The following NPAS3 variants were observed in gnomAD, a reference collection of about 807,000 sequenced individuals.
The protein encoded by NPAS3 is neuronal PAS domain protein 3, also known as neuronal PAS domain-containing protein 3.
A neutral mutation model predicts 73.1 loss-of-function variants in NPAS3; 14 were observed. The observed-to-expected ratio is 0.19, with a 90% CI of 0.13 to 0.30. NPAS3 has a LOEUF of 0.30. NPAS3 is among the 10% of genes least tolerant of loss of function. The pLI is 1.00. For missense variants in NPAS3, 1,096 were observed against 1,250.0 expected (o/e 0.88, Z 1.86); for synonymous variants, 620 against 541.5 (o/e 1.14, Z -2.01).
chr14:33,431,437 CT>C (rs1566897086), intron 4 of NPAS3, among the ~76,000 whole-genome samples: 1 of 151,992 alleles, frequency 6.6e-6, no homozygotes, highest in African/African-American at 2.4e-5. Context: ...ATTAAACATT[CT>C]TTGTTTTATT....
intron 3 of NPAS3, among the ~76,000 whole-genome samples, chr14:33,335,068 G>GTGTGTGTGTGTGTGTGTGTGTA (rs1366925163): frequency 4.6e-5 from 7 of 151,060 alleles, no homozygotes; most frequent in African/African-American, 1.5e-4. Context: ...GTGTGTGTGT[G>GTGTGTGTGTGTGTGTGTGTGTA]TGTATCACAT....
At chr14:33,373,474 T>C (rs1434055627) in intron 4 of NPAS3, among the ~76,000 whole-genome samples, 1 of 151,884 alleles carries the variant, frequency 6.6e-6, no homozygotes, top group African/African-American at 2.4e-5. Context: ...GTACTTATAA[T>C]TGAAAGATAG....
intron 4 of NPAS3, among the ~76,000 whole-genome samples, chr14:33,429,453 T>C (rs1480528036): frequency 6.6e-6 from 1 of 152,166 alleles, no homozygotes; most frequent in African/African-American, 2.4e-5. Flanking sequence ...AAATTAGTTT[T>C]ATTCAATTCT....
At chr14:32,984,660 T>A (rs1008342769) in intron 1 of NPAS3, among the ~76,000 whole-genome samples, 9 of 152,344 alleles carry the variant, frequency 5.9e-5, no homozygotes, top group Non-Finnish European at 1.0e-4. Context: ...GCAGGAATAC[T>A]ATTGTGTTTG....
chr14:33,419,951 C>T (rs965473382), intron 4 of NPAS3, among the ~76,000 whole-genome samples: 7 of 151,876 alleles, frequency 4.6e-5, no homozygotes, highest in Non-Finnish European at 1.0e-4. Flanking sequence ...AATATACTTC[C>T]AAGTTACTTT....
intron 2 of NPAS3, among the ~76,000 whole-genome samples, chr14:33,189,625 TAAG>T (rs1009405451): frequency 6.6e-5 from 10 of 152,328 alleles, no homozygotes; most frequent in African/African-American, 2.4e-4. Context: ...ATATCTGAGA[TAAG>T]AAGTCATGTT....
chr14:33,186,194 A>T (rs2045968931), intron 2 of NPAS3, among the ~76,000 whole-genome samples: 1 of 152,208 alleles, frequency 6.6e-6, no homozygotes. Context: ...TGAACCATGC[A>T]TACTTTTAAG....
chr14:33,671,159 C>A (rs953980896), intron 5 of NPAS3, among the ~76,000 whole-genome samples: 1 of 152,096 alleles, frequency 6.6e-6, no homozygotes, highest in African/African-American at 2.4e-5. Flanking sequence ...TCATCTGCAC[C>A]AAACCCCTTC....
chr14:33,552,913 T>A (rs2055185657), intron 4 of NPAS3, among the ~76,000 whole-genome samples: 1 of 152,200 alleles, frequency 6.6e-6, no homozygotes, highest in African/African-American at 2.4e-5. Flanking sequence ...TACCGTTCAG[T>A]AATTTAACAT....
intron 5 of NPAS3, among the ~76,000 whole-genome samples, chr14:33,643,252 G>A (rs1465264383): frequency 6.6e-6 from 1 of 151,840 alleles, no homozygotes; most frequent in African/African-American, 2.4e-5. Flanking sequence ...TGTAAATCAG[G>A]AATAGTTGTC....
intron 4 of NPAS3, among the ~76,000 whole-genome samples, chr14:33,502,902 A>G (rs1476527567): frequency 6.6e-6 from 1 of 151,940 alleles, no homozygotes; most frequent in African/African-American, 2.4e-5. Context: ...AGAACATTTC[A>G]TTCAGTGATT....
At chr14:33,552,957 A>G (rs993794268) in intron 4 of NPAS3, among the ~76,000 whole-genome samples, 1 of 152,238 alleles carries the variant, frequency 6.6e-6, no homozygotes, top group Non-Finnish European at 1.5e-5. Flanking sequence ...TAGCATTGCA[A>G]TGAATATTTG....
chr14:33,577,978 CAGTGTCTCT>C (rs2056509063), intron 5 of NPAS3, among the ~76,000 whole-genome samples: 1 of 152,198 alleles, frequency 6.6e-6, no homozygotes, highest in South Asian at 2.1e-4. Flanking sequence ...ATCTCTGATG[CAGTGTCTCT>C]CGGCCTTGTG....
At chr14:33,560,100 T>C (rs374708514) in intron 4 of NPAS3, 21 bp from the exon 5 acceptor site, 19 of 839,882 alleles carry the variant, frequency 2.3e-5, no homozygotes, top group African/African-American at 2.0e-4. Context: ...TCTATTTATA[T>C]ATTTATTCTT....
intron 5 of NPAS3, among the ~76,000 whole-genome samples, chr14:33,586,293 G>T (rs2056860248): frequency 6.6e-6 from 1 of 150,616 alleles, no homozygotes; most frequent in African/African-American, 2.5e-5. Flanking sequence ...AGGATTTTGA[G>T]TTCCCCCATC....
At chr14:33,135,386 A>G (rs2043794005) in intron 2 of NPAS3, among the ~76,000 whole-genome samples, 1 of 152,170 alleles carries the variant, frequency 6.6e-6, no homozygotes, top group South Asian at 2.1e-4. Context: ...ACTGTTTGGA[A>G]CTCATCACTA....
intron 1 of NPAS3, among the ~76,000 whole-genome samples, chr14:33,024,535 A>T (rs2039732643): frequency 6.6e-6 from 1 of 152,170 alleles, no homozygotes; most frequent in Admixed American, 6.5e-5. Flanking sequence ...ATTGAGGAGC[A>T]TGGGTCTGTA....
At chr14:33,199,221 C>T (rs916763053) in intron 2 of NPAS3, among the ~76,000 whole-genome samples, 3 of 152,198 alleles carry the variant, frequency 2.0e-5, no homozygotes, top group African/African-American at 4.8e-5. Context: ...GCTCCTCAAG[C>T]GTGGCCAGAG....
At chr14:33,742,725 T>C (rs1157794038) in intron 7 of NPAS3, among the ~76,000 whole-genome samples, 1 of 152,224 alleles carries the variant, frequency 6.6e-6, no homozygotes, top group East Asian at 1.9e-4. Flanking sequence ...TAACATGCAA[T>C]GATGTTTGAT....
Sources: gnomAD v4.1 joint callset for allele counts (sites outside exome capture counted in the v4.1 genomes callset) on GRCh38, gnomAD v4.1.1 for gene constraint, MANE v1.5 for transcripts, NCBI Gene and HGNC (gene_info 2026-07-23, HGNC 2026-07-21) for gene names.